Variants in SLC5A11 observed in about 807,000 individuals in gnomAD.
The protein encoded by SLC5A11 is sodium/myo-inositol cotransporter 2.
In SLC5A11, 48 loss-of-function variants were observed where a neutral mutation model predicts 69.8. The observed-to-expected ratio is 0.69, with a 90% confidence interval of 0.55 to 0.87. SLC5A11 has a LOEUF of 0.87. Ranked by LOEUF, SLC5A11 falls within the 40% of genes least tolerant of loss-of-function variation. The pLI, the probability that SLC5A11 is intolerant of heterozygous loss-of-function variation, is 0.00. For missense variants in SLC5A11, 784 were observed against 866.1 expected, an observed-to-expected ratio of 0.91 and a Z score of 1.19; for synonymous variants, 319 against 342.4, an observed-to-expected ratio of 0.93 and a Z score of 0.75.
At chr16:24,878,112 G>A (rs2047803697) in intron 7 of SLC5A11, among the ~76,000 whole-genome samples, 1 of 152,246 alleles carries the variant, frequency 6.6e-6, no homozygotes, top group South Asian at 2.1e-4. Context: ...CCAAGATGGT[G>A]TCATTGCCCT....
chr16:24,847,787 G>T (rs983786747), intron 1 of SLC5A11, among the ~76,000 whole-genome samples: 21 of 152,212 alleles, frequency 1.4e-4, no homozygotes, highest in Admixed American at 4.6e-4. Flanking sequence ...GTCACAGCGT[G>T]CAAAGGATCT....
chr16:24,862,696 A>G (rs775713998), intron 3 of SLC5A11, 24 bp downstream of exon 4: 2 of 1,604,476 alleles, frequency 1.2e-6, no homozygotes, highest in South Asian at 2.2e-5. Context: ...GGTTCAATTA[A>G]AGTCACTTCT....
At chr16:24,905,516 G>C (rs1393803298) in intron 10 of SLC5A11, among the ~76,000 whole-genome samples, 1 of 152,002 alleles carries the variant, frequency 6.6e-6, no homozygotes, top group Non-Finnish European at 1.5e-5. Flanking sequence ...GTACATGCCT[G>C]TAATTCCAGC....
At chr16:24,911,243 G>A in intron 15 of SLC5A11, 85 bp from the exon 17 acceptor site, 1 of 1,269,626 alleles carries the variant, frequency 7.9e-7, no homozygotes. Context: ...CCCAGCACTT[G>A]AACACATCTG....
At chr16:24,904,004 G>A (rs747007970) in intron 10 of SLC5A11, among the ~76,000 whole-genome samples, 16 of 152,218 alleles carry the variant, frequency 1.1e-4, no homozygotes, top group Admixed American at 6.5e-5. Flanking sequence ...GGTGGAAGGC[G>A]AAGGGGAAGC....
chr16:24,911,598 A>G (rs2050534431), exon 16 of SLC5A11: 1 of 1,497,558 alleles, frequency 6.7e-7, no homozygotes, highest in South Asian at 1.2e-5. Context: ...TAATGAAAGA[A>G]AAAATAATAA....
intron 9 of SLC5A11, among the ~76,000 whole-genome samples, chr16:24,892,456 AAAAG>A (rs1760059319): frequency 6.6e-6 from 1 of 151,862 alleles, no homozygotes; most frequent in African/African-American, 2.4e-5. Flanking sequence ...AAAAAAAAAA[AAAAG>A]GAGAATAGAA....
At chr16:24,894,202 T>C (rs1276677970) in intron 9 of SLC5A11, among the ~76,000 whole-genome samples, 1 of 152,174 alleles carries the variant, frequency 6.6e-6, no homozygotes. Context: ...ATTGACTCAT[T>C]GCACCACACC....
intron 2 of SLC5A11, among the ~76,000 whole-genome samples, chr16:24,861,059 G>A (rs764640678): frequency 2.0e-5 from 3 of 152,014 alleles, no homozygotes; most frequent in South Asian, 2.1e-4. Context: ...GCCCCATTAC[G>A]TATGTTTAAA....
In SLC5A11 at chr16:24,881,120, C is replaced by T. The variant is rs371966663; in HGVS notation, c.584-2931C>T. On this transcript the variant is annotated intron_variant, in intron 7 of 15. Coordinates refer to ENST00000347898, the Ensembl canonical transcript of SLC5A11. ...ACCTGGGAGGCTGAGGGAGGAGAAT[C>T]GCTTGAACCCTGGAGGCAGAGGCTG... is the stretch of plus-strand genomic sequence containing the variant. 4.5e-4 allele frequency among the ~76,000 whole-genome samples: 68 copies of T among 151,442 alleles called. No individual in the cohort carries two copies. In the South Asian group the frequency reaches 0.014, roughly 31 times the overall value.
At chr16:24,875,798 C>G in intron 6 of SLC5A11, 67 bp downstream of exon 7, 1 of 1,272,402 alleles carries the variant, frequency 7.9e-7, no homozygotes, top group Middle Eastern at 1.9e-4. Context: ...CAGATCATTG[C>G]TCAGGAGTGT....
chr16:24,866,247 AT>A (rs913974668), intron 3 of SLC5A11, among the ~76,000 whole-genome samples: 233 of 148,434 alleles, frequency 1.6e-3, no homozygotes, highest in African/African-American at 4.8e-3. Context: ...CAGAGAATGG[AT>A]TTTTTTTTTA....
chr16:24,864,705 A>C (rs2152278073), intron 3 of SLC5A11, among the ~76,000 whole-genome samples: 1 of 152,336 alleles, frequency 6.6e-6, no homozygotes. Context: ...TAAATCAGCA[A>C]TTTTAACTAT....
At chr16:24,872,175 C>T (rs766392068) in exon 5 of SLC5A11, 1 of 1,614,152 alleles carries the variant, frequency 6.2e-7, no homozygotes, top group Non-Finnish European at 8.5e-7. Flanking sequence ...GTTTTCTGTG[C>T]TGATGTTGGC....
At chr16:24,879,019 A>G (rs2047871074) in intron 7 of SLC5A11, among the ~76,000 whole-genome samples, 1 of 152,178 alleles carries the variant, frequency 6.6e-6, no homozygotes, top group South Asian at 2.1e-4. Flanking sequence ...TGGGCAACAG[A>G]GTGGGACTCT....
At chr16:24,873,293 GGAAGGAAGGAAAT>G (rs2047449957) in intron 5 of SLC5A11, among the ~76,000 whole-genome samples, 1 of 147,802 alleles carries the variant, frequency 6.8e-6, no homozygotes, top group African/African-American at 2.5e-5. Context: ...AAGGAAGGAA[GGAAGGAAGGAAAT>G]AAATATAATG....
intron 9 of SLC5A11, 52 bp downstream of exon 10, chr16:24,891,126 A>C (rs1489599606): frequency 6.3e-7 from 1 of 1,575,686 alleles, no homozygotes. Flanking sequence ...TTCTTTCCTT[A>C]GGGTGGCTGA....
At chr16:24,910,440 C>T (rs376857207) in exon 15 of SLC5A11, 180 of 1,613,998 alleles carry the variant, frequency 1.1e-4, no homozygotes, top group Admixed American at 2.5e-4. Flanking sequence ...GCGTCCAGTT[C>T]GAGATGGTTC....
chr16:24,908,752 C>T lies in SLC5A11; in HGVS notation c.1435-129C>T, dbSNP rs189588333. 600 of 715,142 alleles carry T rather than the reference C, an allele frequency of 8.4e-4. 1 individual carries two copies. The highest frequency in any genetic ancestry group is 1.2e-3 in the Non-Finnish European group (535 of 438,926). 44.3% of individuals were successfully genotyped at this position (715,142 alleles called of 1,614,324 possible). ...GATAAATGGTTAAGTATTGCAGAAC[C>T]TTTTCAAATTGCTGACCCGTGCTTG... On this transcript the variant is annotated intron_variant, in intron 13 of 15. Transcript: ENST00000347898.
Sources: allele counts gnomAD v4.1 joint callset (sites outside exome capture counted in the v4.1 genomes callset), GRCh38; gene constraint gnomAD v4.1.1; transcripts MANE v1.5; gene names NCBI Gene and HGNC (gene_info 2026-07-23, HGNC 2026-07-21).